The following CELF5 variants were observed in gnomAD, a reference collection of about 807,000 sequenced individuals.
The protein encoded by CELF5 is CUG-BP and ETR-3 like factor 5.
Under a neutral mutation model 54.9 loss-of-function variants are expected in CELF5, and 6 were observed. The observed-to-expected ratio is 0.11, with a 90% CI of 0.06 to 0.22. The LOEUF is 0.22. Ranked by LOEUF, CELF5 falls within the 10% of genes least tolerant of loss-of-function variation. The pLI is 1.00. For missense variants in CELF5, 401 were observed against 678.6 expected (o/e 0.59, Z 4.54); for synonymous variants, 271 against 290.9 (o/e 0.93, Z 0.70).
intron 5 of CELF5, among the ~76,000 whole-genome samples, chr19:3,279,533 G>A (rs1403814022): frequency 6.6e-6 from 1 of 152,124 alleles, no homozygotes; most frequent in Non-Finnish European, 1.5e-5. Flanking sequence ...GTTCTCTATC[G>A]GAGGAGGCAT....
chr19:3,238,792 G>A (rs2145010501), intron 1 of CELF5, among the ~76,000 whole-genome samples: 1 of 152,296 alleles, frequency 6.6e-6, no homozygotes, highest in African/African-American at 2.4e-5. Flanking sequence ...TTAGCAGGGT[G>A]TGGCGGCGGG....
At position 3,268,937 on chromosome 19, in the gene CELF5, G is replaced by A. The variant is rs1179953503; in HGVS notation, c.343-4935G>A. ...GGAGCGGGGAGGAATGACTGGGGCT[G>A]AGCAGCAAAGGGCCCTCAAATGCCA... is the stretch of plus-strand genomic sequence containing the variant. On this transcript the variant is annotated intron_variant, in intron 2 of 12. Coordinates refer to ENST00000292672, the MANE Select transcript of CELF5 (RefSeq NM_021938.4). The surrounding 1 kb of genome is among the most constrained non-coding windows in gnomAD (Gnocchi z 4.4). 6.6e-6 allele frequency among the ~76,000 whole-genome samples: 1 copy of A among 152,106 alleles called. No homozygotes were observed. The highest frequency in any genetic ancestry group is 2.4e-5 in the African/African-American group (1 of 41,398).
intron 10 of CELF5, chr19:3,286,230 A>C: frequency 2.0e-6 from 1 of 503,784 alleles, no homozygotes; most frequent in Non-Finnish European, 3.5e-6. Flanking sequence ...AAAGAGAACC[A>C]TGCTCGCCCC....
At chr19:3,249,212 C>T in intron 1 of CELF5, among the ~76,000 whole-genome samples, 1 of 152,062 alleles carries the variant, frequency 6.6e-6, no homozygotes, top group South Asian at 2.1e-4. Flanking sequence ...GGTTTGACAA[C>T]ATCGGAGCAG....
intron 11 of CELF5, among the ~76,000 whole-genome samples, chr19:3,292,245 C>T (rs2080363218): frequency 6.6e-6 from 1 of 151,760 alleles, no homozygotes; most frequent in Non-Finnish European, 1.5e-5. Flanking sequence ...CCACACCCGG[C>T]CAAAGACCAG....
At chr19:3,255,166 G>A (rs1189412948) in intron 2 of CELF5, among the ~76,000 whole-genome samples, 1 of 151,962 alleles carries the variant, frequency 6.6e-6, no homozygotes, top group Non-Finnish European at 1.5e-5. Flanking sequence ...ACCCAATGGG[G>A]CTCAAACTGG....
intron 2 of CELF5, 124 bp downstream of exon 2, chr19:3,251,191 T>C (rs971394937): frequency 4.3e-6 from 3 of 701,458 alleles, no homozygotes; most frequent in Non-Finnish European, 7.5e-6. Context: ...GAAAGAGGTA[T>C]GAGGAGCAGA....
intron 2 of CELF5, among the ~76,000 whole-genome samples, chr19:3,260,336 C>T (rs977903436): frequency 2.0e-5 from 3 of 152,070 alleles, no homozygotes; most frequent in Non-Finnish European, 2.9e-5. Flanking sequence ...AGGCTGGTCT[C>T]GAATTCCTGA....
At chr19:3,229,784 C>G (rs933504760) in intron 1 of CELF5, among the ~76,000 whole-genome samples, 3 of 152,112 alleles carry the variant, frequency 2.0e-5, no homozygotes, top group African/African-American at 7.2e-5. Flanking sequence ...GGAGGATGCA[C>G]TGACGGGGAA....
intron 2 of CELF5, among the ~76,000 whole-genome samples, chr19:3,260,554 A>C (rs1230025152): frequency 6.6e-6 from 1 of 151,890 alleles, no homozygotes; most frequent in Non-Finnish European, 1.5e-5. Flanking sequence ...TCCCAGGTTC[A>C]AGCAATTCTC....
rs1302163213 is a variant in CELF5 at position 3,282,544 on chromosome 19, A to G, written c.1039+46A>G. 1 of 1,572,832 alleles carries G rather than the reference A, an allele frequency of 6.4e-7. No individual in the cohort carries two copies. The highest frequency in any genetic ancestry group is 1.2e-5 in the South Asian group (1 of 85,876). The stretch of plus-strand genomic sequence containing the variant: ...GGGGCCTAGGAGAGTGGTGGGGAAT[A>G]AAGATGGTGTTTCTGGAACAAGTAT... On this transcript the variant is annotated intron_variant, in intron 8 of 12. Coordinates refer to ENST00000292672, the MANE Select transcript of CELF5 (RefSeq NM_021938.4). The surrounding 1 kb of genome is among the most constrained non-coding windows in gnomAD (Gnocchi z 5.2).
intron 11 of CELF5, among the ~76,000 whole-genome samples, chr19:3,290,775 C>A (rs2080332623): frequency 6.6e-6 from 1 of 150,620 alleles, no homozygotes; most frequent in Non-Finnish European, 1.5e-5. Context: ...ACAGTGTTAG[C>A]CAGGAAGGTC....
chr19:3,293,640 T>C lies in CELF5; in HGVS notation c.*40+154T>C, dbSNP rs906759845. The C allele has an allele frequency of 3.9e-5, 25 of 643,198 alleles. No homozygotes were observed. The Admixed American group carries it at 7.5e-4, about 19-fold the overall frequency. The allele number at this position is 643,198 out of a possible 1,614,324, so 39.8% of individuals were successfully genotyped here. A position where few individuals can be genotyped will look rare whatever the true frequency, so the allele number is the denominator to read the frequency against. On this transcript the variant is annotated intron_variant, in intron 12 of 12. Transcript: ENST00000292672. ...CGGGTTGGGTTGGCGGGGACAGAGCTGGATGTAGACACCCCCGATCCCCCT... is the reference window on the plus strand; with the variant it reads ...CGGGTTGGGTTGGCGGGGACAGAGCCGGATGTAGACACCCCCGATCCCCCT...
At chr19:3,264,998 G>A (rs908279963) in intron 2 of CELF5, among the ~76,000 whole-genome samples, 6 of 152,146 alleles carry the variant, frequency 3.9e-5, no homozygotes, top group African/African-American at 1.4e-4. Flanking sequence ...ACAGGCACGA[G>A]CCACTGGGCC....
chr19:3,228,875 C>CGTGTGT lies in CELF5; in HGVS notation c.259+3912_259+3917dup, dbSNP rs60632293. On this transcript the variant is annotated intron_variant, in intron 1 of 12. Coordinates refer to ENST00000292672, the MANE Select transcript of CELF5 (RefSeq NM_021938.4). This position sits in a 1 kb window ranked among gnomAD's most constrained non-coding sequence, Gnocchi z 6.0. ...GGGGGTGGCTGGCAGGGTTGGCCGG[C>CGTGTGT]GTGTGTGTGTGTGTGTGTGTGTGTG... Among the ~76,000 whole-genome samples, 1,883 of 124,120 alleles carry CGTGTGT rather than the reference C, an allele frequency of 0.015. 28 individuals carry two copies. The highest frequency in any genetic ancestry group is 0.036 in the Middle Eastern group (8 of 220). The allele number at this position is 124,120 out of a possible 152,430, so 81.4% of individuals were successfully genotyped here.
At chr19:3,294,692 G>A (rs1007841141) in intron 12 of CELF5, 1 of 151,984 alleles carries the variant, frequency 6.6e-6, no homozygotes, top group Non-Finnish European at 1.5e-5. Context: ...TCCAGTGCTC[G>A]GGGACGCAGC....
Position 3,228,020 on chromosome 19 carries a change from C to G in CELF5, c.259+3022C>G, listed in dbSNP as rs552520654. 6.6e-6 allele frequency among the ~76,000 whole-genome samples: 1 copy of G among 152,070 alleles called. No homozygotes were observed. The highest frequency in any genetic ancestry group is 1.9e-4 in the East Asian group (1 of 5,168). ...TCAGAGAAAGGCAGGAGGCCTCATC[C>G]AGGAGCGGGGCAGGGGTAGGGGGAG... On this transcript the variant is annotated intron_variant, in intron 1 of 12. Transcript: ENST00000292672. The surrounding 1 kb of genome is among the most constrained non-coding windows in gnomAD (Gnocchi z 6.0).
intron 10 of CELF5, among the ~76,000 whole-genome samples, chr19:3,288,753 T>G (rs528624077): frequency 3.3e-5 from 5 of 151,760 alleles, no homozygotes; most frequent in South Asian, 2.1e-4. Flanking sequence ...GAGGCCAAAG[T>G]GGGGGGATTG....
At chr19:3,266,003 C>A (rs1159792107) in intron 2 of CELF5, among the ~76,000 whole-genome samples, 2 of 152,120 alleles carry the variant, frequency 1.3e-5, no homozygotes, top group African/African-American at 4.8e-5. Flanking sequence ...GACGAGGTTT[C>A]ACTATGTTGG....
Sources: gnomAD v4.1 joint callset for allele counts (sites outside exome capture counted in the v4.1 genomes callset) on GRCh38, gnomAD v4.1.1 for gene constraint, Gnocchi (gnomAD v3.1) non-coding constraint, MANE v1.5 for transcripts, NCBI Gene and HGNC (gene_info 2026-07-23, HGNC 2026-07-21) for gene names.